The following PLCB1 variants were observed in gnomAD, a reference collection of about 807,000 sequenced individuals.
The protein encoded by PLCB1 is phospholipase C beta 1, also known as 1-phosphatidylinositol 4,5-bisphosphate phosphodiesterase beta-1.
In PLCB1, 46 loss-of-function variants were observed where a neutral mutation model predicts 161.8. That is an observed-to-expected ratio of 0.28 (90% CI 0.22 to 0.36). The LOEUF (loss-of-function observed/expected upper bound fraction) is 0.36, where lower values mean the gene tolerates loss of function less well. Among genes scored for constraint, PLCB1 ranks in the 10% least tolerant of loss-of-function variants. PLCB1 has a pLI of 1.00. For missense variants in PLCB1, 1,016 were observed against 1,472.5 expected, an observed-to-expected ratio of 0.69 and a Z score of 5.07; for synonymous variants, 517 against 503.7, an observed-to-expected ratio of 1.03 and a Z score of -0.35.
chr20:8,417,026 TACACAC>T (rs5840263), intron 3 of PLCB1, among the ~76,000 whole-genome samples: 1,148 of 66,514 alleles, frequency 0.017, 41 homozygotes, highest in African/African-American at 0.058. Context: ...TATATGTGTA[TACACAC>T]ACACACACAC....
chr20:8,881,598 A>T, intron 31 of PLCB1, 24 bp from the exon 32 acceptor site: 1 of 1,574,112 alleles, frequency 6.4e-7, no homozygotes, highest in Non-Finnish European at 8.7e-7. Context: ...ACTTCAAGTC[A>T]TCTCCCCTCT....
rs113696706 is a variant in PLCB1, at chr20:8,648,926, G to A, written c.519-448G>A. Among the ~76,000 whole-genome samples, 757 of 146,060 alleles carry A rather than the reference G, an allele frequency of 5.2e-3. 6 individuals carry two copies. The highest frequency in any genetic ancestry group is 0.019 in the African/African-American group (725 of 38,868). ...ACTGCACTCCAGCCTGGGCAACAAT[G>A]TGAGACCCTGTCTCTAAAAAAAAAA... On this transcript the variant is annotated intron_variant, in intron 6 of 31. Transcript: ENST00000338037.
At chr20:8,650,981 TTAACCACCTCAA>T (rs1989302426) in intron 7 of PLCB1, among the ~76,000 whole-genome samples, 1 of 152,198 alleles carries the variant, frequency 6.6e-6, no homozygotes, top group Non-Finnish European at 1.5e-5. Context: ...ATCATATACA[TTAACCACCTCAA>T]ATAAAATAAT....
chr20:8,552,193 A>C (rs1038832608), intron 3 of PLCB1, among the ~76,000 whole-genome samples: 6 of 152,192 alleles, frequency 3.9e-5, no homozygotes, highest in Admixed American at 3.3e-4. Flanking sequence ...ATGGGCACCA[A>C]CTGTTTGAAT....
intron 31 of PLCB1, among the ~76,000 whole-genome samples, chr20:8,861,316 A>G (rs987410102): frequency 2.0e-5 from 3 of 152,228 alleles, no homozygotes; most frequent in African/African-American, 4.8e-5. Context: ...GTAAAGAATC[A>G]TACACTTATT....
intron 3 of PLCB1, among the ~76,000 whole-genome samples, chr20:8,460,764 G>GC (rs1470990129): frequency 2.6e-5 from 4 of 151,996 alleles, no homozygotes; most frequent in Non-Finnish European, 5.9e-5. Flanking sequence ...TTTTTCTAAA[G>GC]CCCCCCATTT....
rs61201694 is a variant in PLCB1 at position 8,684,855 on chromosome 20, G to GA, written c.863-62dup. ...CCTTGGACACTACAAGATATTTCTG[G>GA]AAAAAAAAAAAAAAAGAGGCGACTT... On this transcript the variant is annotated intron_variant, in intron 9 of 31. Coordinates refer to ENST00000338037, the MANE Select transcript of PLCB1 (RefSeq NM_015192.4). 0.15 allele frequency: 147,023 copies of GA among 949,700 alleles called. 9 individuals are homozygous for GA. Among genetic ancestry groups the GA allele is most frequent in the South Asian group, 0.17 (9,982 of 57,264 alleles). 58.8% of individuals were successfully genotyped at this position (949,700 alleles called of 1,614,324 possible).
At chr20:8,149,005 G>A (rs776916760) in intron 1 of PLCB1, among the ~76,000 whole-genome samples, 12 of 152,124 alleles carry the variant, frequency 7.9e-5, no homozygotes, top group Non-Finnish European at 1.5e-4. Context: ...GGTGCTGATG[G>A]CAGCACAGCA....
chr20:8,828,284 C>T (rs1275414969), intron 31 of PLCB1, among the ~76,000 whole-genome samples: 1 of 152,196 alleles, frequency 6.6e-6, no homozygotes. Context: ...CAAAAGCTCA[C>T]TTCTCTCTGT....
At chr20:8,332,083 G>A (rs1600321335) in intron 2 of PLCB1, among the ~76,000 whole-genome samples, 1 of 152,188 alleles carries the variant, frequency 6.6e-6, no homozygotes, top group East Asian at 1.9e-4. Flanking sequence ...AGAATTTCTG[G>A]TCGCTGAACT....
intron 27 of PLCB1, among the ~76,000 whole-genome samples, chr20:8,784,479 C>G (rs1014222257): frequency 1.3e-5 from 2 of 151,882 alleles, no homozygotes; most frequent in African/African-American, 4.8e-5. Flanking sequence ...ACTACAATCC[C>G]TTGAATCCAG....
chr20:8,166,723 C>A (rs1373993285), intron 2 of PLCB1, among the ~76,000 whole-genome samples: 2 of 152,088 alleles, frequency 1.3e-5, no homozygotes, highest in East Asian at 3.9e-4. Flanking sequence ...TTCCTTAACA[C>A]CTTCTTTTCC....
intron 17 of PLCB1, among the ~76,000 whole-genome samples, chr20:8,728,222 A>G (rs1980044512): frequency 6.6e-6 from 1 of 152,114 alleles, no homozygotes; most frequent in South Asian, 2.1e-4. Flanking sequence ...AGATGAGGAG[A>G]CTGAGTCACA....
chr20:8,785,727 G>A (rs991276218), intron 27 of PLCB1, among the ~76,000 whole-genome samples: 2 of 152,118 alleles, frequency 1.3e-5, no homozygotes, highest in African/African-American at 4.8e-5. Flanking sequence ...GAAGGTCTGT[G>A]AGTTCTCCAG....
chr20:8,779,489 G>A (rs1383259079), intron 27 of PLCB1, among the ~76,000 whole-genome samples: 2 of 127,096 alleles, frequency 1.6e-5, no homozygotes, highest in Non-Finnish European at 3.2e-5. Flanking sequence ...ACCAAGCTCT[G>A]TAGACTCCAC....
chr20:8,843,476 G>T (rs11698384), intron 31 of PLCB1, among the ~76,000 whole-genome samples: 12 of 152,162 alleles, frequency 7.9e-5, no homozygotes, highest in Non-Finnish European at 1.5e-4. Context: ...TTGATGCAGT[G>T]GTATCCAAAC....
At chr20:8,520,832 C>T (rs951235918) in intron 3 of PLCB1, among the ~76,000 whole-genome samples, 4 of 152,082 alleles carry the variant, frequency 2.6e-5, no homozygotes, top group Non-Finnish European at 5.9e-5. Flanking sequence ...TTAAGGATAG[C>T]CCAGGGCTTC....
At chr20:8,476,462 T>C (rs1982286379) in intron 3 of PLCB1, among the ~76,000 whole-genome samples, 1 of 152,234 alleles carries the variant, frequency 6.6e-6, no homozygotes, top group Admixed American at 6.5e-5. Flanking sequence ...AAGAATCTAA[T>C]ATTCTACTCA....
chr20:8,309,810 T>G (rs1455976449), intron 2 of PLCB1, among the ~76,000 whole-genome samples: 1 of 152,196 alleles, frequency 6.6e-6, no homozygotes, highest in East Asian at 1.9e-4. Context: ...TTTTTGTGTT[T>G]GCCTCACACA....
Sources: gnomAD v4.1 joint callset for allele counts (sites outside exome capture counted in the v4.1 genomes callset) on GRCh38, gnomAD v4.1.1 for gene constraint, MANE v1.5 for transcripts, NCBI Gene and HGNC (gene_info 2026-07-23, HGNC 2026-07-21) for gene names.